Variants in ZBTB20 observed in about 807,000 individuals in gnomAD.
ZBTB20 encodes the protein zinc finger and BTB domain-containing protein 20.
In ZBTB20, 9 loss-of-function variants were observed where a neutral mutation model predicts 56.9. The observed-to-expected ratio is 0.16, with a 90% CI of 0.10 to 0.28. The LOEUF (loss-of-function observed/expected upper bound fraction) is 0.28. Ranked by LOEUF, ZBTB20 falls within the 10% of genes least tolerant of loss-of-function variation. The pLI is 1.00. For synonymous variants in ZBTB20, 417 were observed against 420.7 expected (o/e 0.99, Z 0.11); for missense variants, 655 against 1,003.0 (o/e 0.65, Z 4.69).
chr3:114,848,215 C>CCA (rs2074814253), intron 4 of ZBTB20, among the ~76,000 whole-genome samples: 1 of 152,104 alleles, frequency 6.6e-6, no homozygotes, highest in African/African-American at 2.4e-5. Flanking sequence ...CTCCATGCCA[C>CCA]CACCAACTCA....
chr3:114,837,551 T>TG, intron 4 of ZBTB20, among the ~76,000 whole-genome samples: 1 of 152,170 alleles, frequency 6.6e-6, no homozygotes, highest in East Asian at 1.9e-4. Context: ...ACTTGCCATG[T>TG]GGGGGTCTTC....
At chr3:114,751,377 G>A (rs1168038185) in intron 5 of ZBTB20, among the ~76,000 whole-genome samples, 2 of 152,110 alleles carry the variant, frequency 1.3e-5, no homozygotes, top group African/African-American at 4.8e-5. Context: ...CATATAATTT[G>A]TGCATTCTCT....
chr3:114,717,727 T>C (rs749501258), intron 5 of ZBTB20, among the ~76,000 whole-genome samples: 3 of 152,152 alleles, frequency 2.0e-5, no homozygotes, highest in Non-Finnish European at 4.4e-5. Context: ...CACTTTCTAT[T>C]CTTTTCTTAA....
intron 3 of ZBTB20, among the ~76,000 whole-genome samples, chr3:114,917,132 T>C (rs1025074683): frequency 2.6e-5 from 4 of 152,204 alleles, no homozygotes; most frequent in African/African-American, 7.2e-5. Context: ...TTCTTTCTTC[T>C]GTTTGATCAA....
At chr3:114,707,089 A>T (rs868287990) in intron 5 of ZBTB20, among the ~76,000 whole-genome samples, 2 of 152,102 alleles carry the variant, frequency 1.3e-5, no homozygotes, top group African/African-American at 4.8e-5. Context: ...CCAATAACAC[A>T]CACAGATGTT....
intron 6 of ZBTB20, among the ~76,000 whole-genome samples, chr3:114,599,046 T>C (rs2056557626): frequency 6.6e-6 from 1 of 152,026 alleles, no homozygotes; most frequent in African/African-American, 2.4e-5. Context: ...CACCACACCG[T>C]TTTTAGTTGC....
intron 4 of ZBTB20, among the ~76,000 whole-genome samples, chr3:114,867,857 T>G (rs932200323): frequency 9.9e-5 from 15 of 152,206 alleles, no homozygotes; most frequent in African/African-American, 3.6e-4. Flanking sequence ...GAGATGGCAA[T>G]TAAAGCTTTC....
chr3:115,140,414 C>A (rs1369079557), intron 1 of ZBTB20, among the ~76,000 whole-genome samples: 1 of 151,958 alleles, frequency 6.6e-6, no homozygotes, highest in Non-Finnish European at 1.5e-5. Flanking sequence ...TGTAAAAACT[C>A]GTTAGAAGTA....
intron 6 of ZBTB20, among the ~76,000 whole-genome samples, chr3:114,623,381 A>G (rs2058451768): frequency 6.6e-6 from 1 of 152,160 alleles, no homozygotes; most frequent in Non-Finnish European, 1.5e-5. Context: ...GGACAATACT[A>G]TATTTGGGTT....
intron 2 of ZBTB20, among the ~76,000 whole-genome samples, chr3:115,011,775 T>C (rs1050951977): frequency 6.6e-6 from 1 of 151,824 alleles, no homozygotes; most frequent in Non-Finnish European, 1.5e-5. Flanking sequence ...TTTAATACTG[T>C]AACTGCAGTG....
intron 3 of ZBTB20, among the ~76,000 whole-genome samples, chr3:114,903,892 AC>A (rs976925286): frequency 1.1e-4 from 16 of 151,982 alleles, no homozygotes; most frequent in African/African-American, 2.9e-4. Flanking sequence ...GTAAAAAAAA[AC>A]GTTAGAGTCA....
At chr3:114,807,472 A>G (rs1390655694) in intron 4 of ZBTB20, among the ~76,000 whole-genome samples, 6 of 143,856 alleles carry the variant, frequency 4.2e-5, no homozygotes, top group Admixed American at 6.9e-5. Flanking sequence ...TTTTTCCTCT[A>G]ATTTGCTTCT....
intron 4 of ZBTB20, among the ~76,000 whole-genome samples, chr3:114,877,998 T>C (rs1055426069): frequency 4.6e-5 from 7 of 152,126 alleles, no homozygotes; most frequent in Non-Finnish European, 8.8e-5. Context: ...GGCTCCCTCT[T>C]TCTCTTTTAA....
chr3:114,526,569 T>A (rs1334665323), intron 6 of ZBTB20, among the ~76,000 whole-genome samples: 5 of 151,914 alleles, frequency 3.3e-5, no homozygotes, highest in African/African-American at 7.3e-5. Flanking sequence ...CACTCATAAA[T>A]CCCTGGAAAA....
chr3:115,105,364 A>C (rs1188720568), intron 1 of ZBTB20, among the ~76,000 whole-genome samples: 1 of 152,206 alleles, frequency 6.6e-6, no homozygotes, highest in African/African-American at 2.4e-5. Context: ...GCCTGAGATC[A>C]CATAGCATAA....
chr3:114,816,983 A>C (rs2072961010), intron 4 of ZBTB20, among the ~76,000 whole-genome samples: 1 of 152,188 alleles, frequency 6.6e-6, no homozygotes, highest in African/African-American at 2.4e-5. Flanking sequence ...TGCAGAAGTA[A>C]ATATATTATT....
chr3:114,898,417 G>T (rs1368510604), intron 4 of ZBTB20, among the ~76,000 whole-genome samples: 1 of 151,952 alleles, frequency 6.6e-6, no homozygotes, highest in Non-Finnish European at 1.5e-5. Context: ...AGTCAAAAAG[G>T]ATCAGTTCTT....
chr3:114,961,088 GAA>G (rs1361100877), intron 3 of ZBTB20, among the ~76,000 whole-genome samples: 1 of 150,362 alleles, frequency 6.7e-6, no homozygotes, highest in East Asian at 1.9e-4. Flanking sequence ...TTTCTTTGAA[GAA>G]ATGTGAGTGT....
At chr3:115,132,976 C>A (rs2084550504) in intron 1 of ZBTB20, among the ~76,000 whole-genome samples, 2 of 152,084 alleles carry the variant, frequency 1.3e-5, no homozygotes, top group African/African-American at 4.8e-5. Flanking sequence ...TATTTTCTAA[C>A]ATTTTCCTTA....
Sources: gnomAD v4.1 joint callset for allele counts (sites outside exome capture counted in the v4.1 genomes callset) on GRCh38, gnomAD v4.1.1 for gene constraint, MANE v1.5 for transcripts, NCBI Gene and HGNC (gene_info 2026-07-23, HGNC 2026-07-21) for gene names.